SYNE3: variants seen among roughly 807,000 people sequenced by gnomAD.
The protein encoded by SYNE3 is spectrin repeat containing nuclear envelope family member 3.
Under a neutral mutation model 111.2 loss-of-function variants are expected in SYNE3, and 100 were observed. That is an observed-to-expected ratio of 0.90 (90% confidence interval 0.77 to 1.06). The LOEUF is 1.06. Ranked by LOEUF, SYNE3 falls within the 50% of genes least tolerant of loss-of-function variation. The pLI, the probability that SYNE3 is intolerant of heterozygous loss-of-function variation, is 0.00. For synonymous variants in SYNE3, 547 were observed against 533.9 expected (o/e 1.02, Z -0.34); for missense variants, 1,160 against 1,240.3 (o/e 0.94, Z 0.97).
intron 15 of SYNE3, 97 bp downstream of exon 15, chr14:95,436,723 A>C (rs78849563): frequency 0.046 from 64,990 of 1,405,786 alleles, 1,952 homozygotes; most frequent in South Asian, 0.11. Flanking sequence ...CAGCTCACAA[A>C]CTGTGGGTGT....
At chr14:95,449,541 G>C in intron 8 of SYNE3, 10 of 985,458 alleles carry the variant, frequency 1.0e-5, no homozygotes, top group Non-Finnish European at 1.2e-5. Context: ...CTGAGCTGTG[G>C]CCTGGCACCC....
At chr14:95,512,199 C>T (rs1890745776) in intron 1 of SYNE3, among the ~76,000 whole-genome samples, 1 of 152,080 alleles carries the variant, frequency 6.6e-6, no homozygotes, top group African/African-American at 2.4e-5. Flanking sequence ...TGTCATACAA[C>T]AGAATTTTTT....
intron 1 of SYNE3, among the ~76,000 whole-genome samples, chr14:95,486,107 AAC>A (rs1289718060): frequency 3.9e-5 from 6 of 152,048 alleles, no homozygotes; most frequent in Non-Finnish European, 7.4e-5. Flanking sequence ...TTTCAGTGGA[AAC>A]ACACTCCCCA....
chr14:95,462,097 C>T (rs1887863805), intron 4 of SYNE3, among the ~76,000 whole-genome samples: 1 of 152,206 alleles, frequency 6.6e-6, no homozygotes, highest in Non-Finnish European at 1.5e-5. Flanking sequence ...CCCTCTGGAT[C>T]CACGAAAGCT....
chr14:95,479,697 C>T (rs2076971164), intron 1 of SYNE3, among the ~76,000 whole-genome samples: 1 of 152,136 alleles, frequency 6.6e-6, no homozygotes, highest in Admixed American at 6.5e-5. Flanking sequence ...AGTAAGGCAG[C>T]TACAGTGAGG....
chr14:95,427,243 A>C (rs563536533), intron 17 of SYNE3, among the ~76,000 whole-genome samples: 1 of 152,298 alleles, frequency 6.6e-6, no homozygotes, highest in South Asian at 2.1e-4. Flanking sequence ...ATTGTCAAGC[A>C]GACCGTGGTC....
Position 95,415,543 on chromosome 14 carries a change from G to A in SYNE3, c.*2283C>T, listed in dbSNP as rs975327249. 5.9e-5 allele frequency: 9 copies of A among 152,166 alleles called. No homozygotes were observed. Among genetic ancestry groups the A allele is most frequent in the Admixed American group, 5.2e-4 (8 of 15,266 alleles). 9.4% of individuals were successfully genotyped at this position (152,166 alleles called of 1,614,324 possible). On this transcript the variant is annotated 3_prime_UTR_variant, in exon 18 of 18. Coordinates refer to ENST00000682763, the MANE Select transcript of SYNE3 (RefSeq NM_152592.6). ...TTCATCCCCTGTAGTTGCCAATTCT[G>A]CATGTACTAGTCTTGTAGAAATAAG...
Position 95,492,366 on chromosome 14 carries a change from T to C in SYNE3, c.-14-16531A>G, listed in dbSNP as rs1364948564. Among the ~76,000 whole-genome samples, 9 of 152,230 alleles carry C rather than the reference T, an allele frequency of 5.9e-5. No individual in the cohort carries two copies. The East Asian group carries it at 1.7e-3, about 29-fold the overall frequency. ...AAAAAAAGTGGGAGCAACCCAAATGTCCATCAACTGATAAATGGATAAGGA... is the reference window on the plus strand; with the variant it reads ...AAAAAAAGTGGGAGCAACCCAAATGCCCATCAACTGATAAATGGATAAGGA... On this transcript the variant is annotated intron_variant, in intron 1 of 17. Transcript: ENST00000682763.
At chr14:95,449,799 A>G in intron 8 of SYNE3, 132 bp downstream of exon 8, 1 of 1,421,122 alleles carries the variant, frequency 7.0e-7, no homozygotes, top group South Asian at 1.5e-5. Flanking sequence ...GACTCAGCAG[A>G]CCGGGCGCAG....
intron 14 of SYNE3, among the ~76,000 whole-genome samples, chr14:95,437,303 T>C (rs963160393): frequency 2.0e-5 from 3 of 152,224 alleles, no homozygotes; most frequent in African/African-American, 7.2e-5. Flanking sequence ...GCTCTGTCTA[T>C]GATGCAAGCC....
At chr14:95,462,308 C>G (rs1379402992) in intron 4 of SYNE3, among the ~76,000 whole-genome samples, 1 of 152,184 alleles carries the variant, frequency 6.6e-6, no homozygotes, top group Non-Finnish European at 1.5e-5. Context: ...TAAGAGCTGA[C>G]CGGGCTCCCT....
chr14:95,425,052 C>T (rs1885354840), intron 17 of SYNE3, among the ~76,000 whole-genome samples: 1 of 152,078 alleles, frequency 6.6e-6, no homozygotes, highest in Admixed American at 6.6e-5. Flanking sequence ...CCAGCCTGGC[C>T]AACATGGTGA....
intron 1 of SYNE3, among the ~76,000 whole-genome samples, chr14:95,480,929 C>T (rs1040293772): frequency 9.2e-5 from 14 of 152,306 alleles, no homozygotes; most frequent in Admixed American, 2.6e-4. Flanking sequence ...AGGGGAGTAG[C>T]GGGGCTGCCT....
At chr14:95,478,235 G>T (rs2139521198) in intron 1 of SYNE3, among the ~76,000 whole-genome samples, 1 of 152,324 alleles carries the variant, frequency 6.6e-6, no homozygotes, top group African/African-American at 2.4e-5. Context: ...TGAAACACAG[G>T]ACTTAAGAGG....
At chr14:95,430,029 G>T (rs1419517721) in intron 17 of SYNE3, 1 of 612,952 alleles carries the variant, frequency 1.6e-6, no homozygotes, top group Non-Finnish European at 2.0e-6. Flanking sequence ...GGAGGGTAGA[G>T]ACAGCAATGA....
chr14:95,510,713 G>C (rs575276991), intron 1 of SYNE3, among the ~76,000 whole-genome samples: 3 of 152,142 alleles, frequency 2.0e-5, no homozygotes, highest in Admixed American at 6.5e-5. Context: ...GCTTGAACCC[G>C]GGAGGCGGAG....
intron 17 of SYNE3, among the ~76,000 whole-genome samples, chr14:95,426,943 C>CAAAAAA (rs574423106): frequency 1.2e-4 from 13 of 104,842 alleles, no homozygotes; most frequent in East Asian, 2.8e-4. Context: ...GACTCCATCT[C>CAAAAAA]AAAAAAAAAA....
rs746997603 is a variant in SYNE3, at chr14:95,433,369, T to G, written c.2579A>C (p.Glu860Ala). The change falls in exon 16 of 18, where the codon GAG (glutamate) becomes GCG (alanine). Residue 860 changes from glutamate (E) to alanine (A), a missense_variant. Transcript: ENST00000682763. Reference sequence around the variant, plus strand: ...TGCTGGCCCGAGACGAAGGAGGTTCTCAAAGAGATGCTGACCTTCTGGCAC... The same window carrying G: ...TGCTGGCCCGAGACGAAGGAGGTTCGCAAAGAGATGCTGACCTTCTGGCAC... ...ARVPEGQHLF[E>A]NLLRLGPARG... 3.1e-6 allele frequency: 5 copies of G among 1,614,108 alleles called. No homozygotes were observed. Among genetic ancestry groups the G allele is most frequent in the East Asian group, 2.2e-5 (1 of 44,870 alleles).
At chr14:95,501,090 G>T (rs1198820073) in intron 1 of SYNE3, among the ~76,000 whole-genome samples, 1 of 152,224 alleles carries the variant, frequency 6.6e-6, no homozygotes, top group Non-Finnish European at 1.5e-5. Flanking sequence ...CATGCCTTCT[G>T]CCTCCATAGA....
Sources: allele counts gnomAD v4.1 joint callset (sites outside exome capture counted in the v4.1 genomes callset), GRCh38; gene constraint gnomAD v4.1.1; transcripts MANE v1.5; gene names NCBI Gene and HGNC (gene_info 2026-07-23, HGNC 2026-07-21).